Variants in SKA3 observed in about 807,000 individuals in gnomAD.
The protein encoded by SKA3 is spindle and kinetochore-associated protein 3.
SKA3 carries 39 observed loss-of-function variants against 44.2 expected under a neutral mutation model. The observed-to-expected ratio is 0.88, with a 90% CI of 0.68 to 1.15. The LOEUF (loss-of-function observed/expected upper bound fraction) is 1.15, where lower values mean the gene tolerates loss of function less well. Ranked by LOEUF, SKA3 falls within the 50% of genes most tolerant of loss-of-function variation. The probability of loss-of-function intolerance (pLI) is 0.00; values close to 1 mark genes in which losing one functional copy is unlikely to be tolerated. For synonymous variants in SKA3, 192 were observed against 172.0 expected (o/e 1.12, Z -0.91); for missense variants, 511 against 485.8 (o/e 1.05, Z -0.49).
intron 6 of SKA3, among the ~76,000 whole-genome samples, chr13:21,159,640 T>C (rs1416269408): frequency 1.3e-5 from 2 of 152,214 alleles, no homozygotes; most frequent in African/African-American, 4.8e-5. Flanking sequence ...TAAATAATGC[T>C]GTTCCTTACT....
In SKA3 at chr13:21,154,065, A is replaced by C. The variant is rs1417135390; in HGVS notation, c.*1085T>G. ...TGGACAGGTCCCCCATTTGACTTTC[A>C]AGGAACAATCATAAAACAGGGTAAT... On this transcript the variant is annotated 3_prime_UTR_variant, in exon 9 of 9. Coordinates refer to ENST00000314759, the MANE Select transcript of SKA3 (RefSeq NM_145061.6). 6.6e-6 allele frequency: 1 copy of C among 152,298 alleles called. No individual in the cohort carries two copies. Among genetic ancestry groups the C allele is most frequent in the Non-Finnish European group, 1.5e-5 (1 of 68,052 alleles). The allele number at this position is 152,298 out of a possible 1,614,324, so 9.4% of individuals were successfully genotyped here.
rs1419206796 is a variant in SKA3 at position 21,155,115 on chromosome 13, G to A, written c.*35C>T. Reference sequence around the variant, plus strand: ...TCCAGCTCGGCTTTCATCTCATTTTGTTCAGTTTCTGTGTTGGATAGATCC... The same window carrying A: ...TCCAGCTCGGCTTTCATCTCATTTTATTCAGTTTCTGTGTTGGATAGATCC... On this transcript the variant is annotated 3_prime_UTR_variant, in exon 9 of 9. Transcript: ENST00000314759. The A allele has an allele frequency of 3.7e-6, 6 of 1,612,250 alleles. No homozygotes were observed. The East Asian group carries it at 8.9e-5, about 24-fold the overall frequency.
chr13:21,155,810 A>C lies in SKA3; in HGVS notation c.1121T>G (p.Leu374Arg). 7.4e-7 allele frequency: 1 copy of C among 1,353,548 alleles called. No individual in the cohort carries two copies. The highest frequency in any genetic ancestry group is 2.5e-5 in the East Asian group (1 of 40,220). The allele number at this position is 1,353,548 out of a possible 1,614,324, so 83.8% of individuals were successfully genotyped here. A position where few individuals can be genotyped will look rare whatever the true frequency, so the allele number is the denominator to read the frequency against. The change falls in exon 8 of 9, where the codon CTT (leucine) becomes CGT (arginine). Residue 374 changes from leucine to arginine, a missense_variant and splice_region_variant. Coordinates refer to ENST00000314759, the MANE Select transcript of SKA3 (RefSeq NM_145061.6). ...TAGGTTTGAGTTGTATTTTGATAAA[A>C]GCTAAAAAAAAAAAAGGAAATTCCT... ...VTKIPEDILQ[L>R]LSKYNSNLAT...
chr13:21,175,383 T>A (rs1871424915), intron 1 of SKA3, among the ~76,000 whole-genome samples: 1 of 151,452 alleles, frequency 6.6e-6, no homozygotes. Context: ...TTCACGCCAT[T>A]CTCCTACCTC....
At chr13:21,172,721 G>T (rs1307058023) in intron 1 of SKA3, 40 bp from the exon 2 acceptor site, 9 of 1,243,980 alleles carry the variant, frequency 7.2e-6, no homozygotes, top group Non-Finnish European at 1.0e-5. Context: ...TCCAATAAAT[G>T]TAAGGAAAAG....
rs888911959 is a variant in SKA3, at chr13:21,154,292, C to G, written c.*858G>C. The G allele has an allele frequency of 6.6e-6, 1 of 152,288 alleles. No homozygotes were observed. Among genetic ancestry groups the G allele is most frequent in the Non-Finnish European group, 1.5e-5 (1 of 68,088 alleles). 9.4% of individuals were successfully genotyped at this position (152,288 alleles called of 1,614,324 possible). A position where few individuals can be genotyped will look rare whatever the true frequency, so the allele number is the denominator to read the frequency against. The stretch of plus-strand genomic sequence containing the variant: ...CCAGCTGTACTTAAATCAGAAGGAT[C>G]GTAGGCCTGATAAGCAGGTCAACCT... On this transcript the variant is annotated 3_prime_UTR_variant, in exon 9 of 9. Coordinates refer to ENST00000314759, the MANE Select transcript of SKA3 (RefSeq NM_145061.6).
intron 3 of SKA3, among the ~76,000 whole-genome samples, chr13:21,170,033 A>T (rs997416092): frequency 6.6e-6 from 1 of 152,302 alleles, no homozygotes; most frequent in Middle Eastern, 3.4e-3. Flanking sequence ...TAACTTCCAG[A>T]TGCCTCAGCT....
rs368757445 is a variant in SKA3, at chr13:21,167,979, G to A, written c.743+9C>T. 1.4e-5 allele frequency: 21 copies of A among 1,552,664 alleles called. No homozygotes were observed. The South Asian group carries it at 2.3e-4, about 17-fold the overall frequency. ...TAGATAAAATATGCCTTTTAACAGA[G>A]CTGCTTACCTTTTATTATTCCTCGC... On this transcript the variant is annotated intron_variant, in intron 4 of 8. Coordinates refer to ENST00000314759, the MANE Select transcript of SKA3 (RefSeq NM_145061.6).
At chr13:21,170,021 C>T (rs1021645157) in intron 3 of SKA3, among the ~76,000 whole-genome samples, 2 of 152,062 alleles carry the variant, frequency 1.3e-5, no homozygotes, top group Non-Finnish European at 2.9e-5. Context: ...ATTTTAGATT[C>T]GTAACTTCCA....
intron 7 of SKA3, among the ~76,000 whole-genome samples, chr13:21,157,314 C>T (rs1870164210): frequency 6.6e-6 from 1 of 152,188 alleles, no homozygotes; most frequent in Non-Finnish European, 1.5e-5. Context: ...GTGTGAACAT[C>T]ACAGTACTTA....
At chr13:21,155,644 T>A in intron 8 of SKA3, 49 bp downstream of exon 8, 1 of 1,104,774 alleles carries the variant, frequency 9.1e-7, no homozygotes, top group South Asian at 1.3e-5. Context: ...TTTTTAAATG[T>A]CCTCCTCAAA....
At chr13:21,167,579 A>G (rs550949384) in intron 4 of SKA3, among the ~76,000 whole-genome samples, 73 of 152,258 alleles carry the variant, frequency 4.8e-4, no homozygotes, top group Non-Finnish European at 7.4e-4. Flanking sequence ...ATCCTGGCTA[A>G]CATGGTGAAA....
chr13:21,157,832 A>C, intron 7 of SKA3, 90 bp downstream of exon 7: 2 of 766,636 alleles, frequency 2.6e-6, no homozygotes, highest in Non-Finnish European at 3.7e-6. Flanking sequence ...ATGATAAATA[A>C]GACAGTTTAT....
In SKA3 at chr13:21,154,877, C is replaced by A; in HGVS notation, c.*273G>T. ...TCCTACTTCCTGGTACTACTTAAAC[C>A]ATTCTGTTGATTAAGCTGGGTAATT... On this transcript the variant is annotated 3_prime_UTR_variant, in exon 9 of 9. Coordinates refer to ENST00000314759, the MANE Select transcript of SKA3 (RefSeq NM_145061.6). The A allele has an allele frequency of 1.8e-6, 1 of 563,736 alleles. No individual in the cohort carries two copies. The highest frequency in any genetic ancestry group is 3.1e-6 in the Non-Finnish European group (1 of 322,850). The allele number at this position is 563,736 out of a possible 1,614,324, so 34.9% of individuals were successfully genotyped here.
At chr13:21,166,493 G>A (rs1870720228) in intron 4 of SKA3, among the ~76,000 whole-genome samples, 2 of 152,196 alleles carry the variant, frequency 1.3e-5, no homozygotes, top group African/African-American at 4.8e-5. Flanking sequence ...CAGCACTTTG[G>A]GAGGCCGAGG....
chr13:21,162,777 G>A (rs1041886096), intron 4 of SKA3, among the ~76,000 whole-genome samples: 3 of 152,116 alleles, frequency 2.0e-5, no homozygotes, highest in African/African-American at 7.2e-5. Flanking sequence ...AAAAGGGCTG[G>A]GCATAGTGGC....
At chr13:21,160,832 C>A (rs1445455534) in intron 5 of SKA3, among the ~76,000 whole-genome samples, 1 of 152,140 alleles carries the variant, frequency 6.6e-6, no homozygotes, top group Non-Finnish European at 1.5e-5. Context: ...GAATATGGCT[C>A]ATATATACAG....
intron 5 of SKA3, 39 bp downstream of exon 5, chr13:21,161,751 A>C: frequency 6.7e-7 from 1 of 1,485,030 alleles, no homozygotes; most frequent in African/African-American, 1.4e-5. Context: ...ATAGTTTGGG[A>C]AAAATGTTCC....
chr13:21,160,851 T>C (rs1299855991), intron 5 of SKA3, among the ~76,000 whole-genome samples: 7 of 152,196 alleles, frequency 4.6e-5, no homozygotes, highest in African/African-American at 1.7e-4. Flanking sequence ...AGTAGAATAC[T>C]ATTTATCAAT....
Sources: gnomAD v4.1 joint callset for allele counts (sites outside exome capture counted in the v4.1 genomes callset) on GRCh38, gnomAD v4.1.1 for gene constraint, MANE v1.5 for transcripts, NCBI Gene and HGNC (gene_info 2026-07-23, HGNC 2026-07-21) for gene names.